Variants in PHF14 observed in about 807,000 individuals in gnomAD.
PHF14 encodes the protein PHD finger protein 14.
A neutral mutation model predicts 117.9 loss-of-function variants in PHF14; 55 were observed. The observed-to-expected ratio is 0.47, with a 90% CI of 0.38 to 0.58. PHF14 has a LOEUF of 0.58. PHF14 is among the 20% of genes least tolerant of loss of function. The pLI is 0.00. For missense variants in PHF14, 978 were observed against 1,122.2 expected, an observed-to-expected ratio of 0.87 and a Z score of 1.84; for synonymous variants, 409 against 368.6, an observed-to-expected ratio of 1.11 and a Z score of -1.26.
chr7:10,980,688 T>G (rs1328387944), intron 2 of PHF14, among the ~76,000 whole-genome samples: 3 of 152,190 alleles, frequency 2.0e-5, no homozygotes, highest in East Asian at 1.9e-4. Context: ...GGAGTTTATT[T>G]GTAGTATTTA....
chr7:11,032,026 A>G (rs550292927), intron 7 of PHF14, among the ~76,000 whole-genome samples: 1 of 152,172 alleles, frequency 6.6e-6, no homozygotes, highest in Non-Finnish European at 1.5e-5. Flanking sequence ...AGGCCAAGCC[A>G]AGGAGGATCT....
At chr7:11,095,436 C>G (rs554163490) in intron 16 of PHF14, among the ~76,000 whole-genome samples, 8 of 152,160 alleles carry the variant, frequency 5.3e-5, no homozygotes, top group Non-Finnish European at 1.2e-4. Flanking sequence ...TATGATGGGT[C>G]TTTATTCTGT....
At chr7:11,128,891 C>T (rs1241860780) in intron 17 of PHF14, among the ~76,000 whole-genome samples, 1 of 151,884 alleles carries the variant, frequency 6.6e-6, no homozygotes, top group East Asian at 1.9e-4. Context: ...GCCCTACAAT[C>T]CTTAGGCCTA....
At chr7:11,103,190 T>C (rs1223116472) in intron 16 of PHF14, 3 of 969,874 alleles carry the variant, frequency 3.1e-6, no homozygotes, top group Non-Finnish European at 2.5e-6. Flanking sequence ...TGTGAAAGCA[T>C]TAATATTATT....
At chr7:11,163,058 TAATA>T (rs1417210658) in intron 17 of PHF14, among the ~76,000 whole-genome samples, 38 of 152,164 alleles carry the variant, frequency 2.5e-4, no homozygotes, top group African/African-American at 9.2e-4. Context: ...TATTTACTAT[TAATA>T]AATAATGAAT....
At chr7:10,980,066 A>G (rs78565859) in intron 2 of PHF14, among the ~76,000 whole-genome samples, 16,902 of 152,150 alleles carry the variant, frequency 0.11, 1,143 homozygotes, top group African/African-American at 0.2. Flanking sequence ...AAAATAATTA[A>G]TTAATTGGCA....
intron 17 of PHF14, among the ~76,000 whole-genome samples, chr7:11,126,424 G>A (rs1787930745): frequency 6.6e-6 from 1 of 152,020 alleles, no homozygotes; most frequent in Non-Finnish European, 1.5e-5. Flanking sequence ...ACCTTTCCTT[G>A]TGACAATGTT....
chr7:11,019,987 T>C (rs745358225), intron 5 of PHF14, among the ~76,000 whole-genome samples: 1 of 152,218 alleles, frequency 6.6e-6, no homozygotes, highest in Non-Finnish European at 1.5e-5. Flanking sequence ...CTCCCAGCTG[T>C]TCTGAAATGA....
chr7:11,083,626 A>G (rs1469443954), intron 16 of PHF14, among the ~76,000 whole-genome samples: 3 of 151,686 alleles, frequency 2.0e-5, no homozygotes, highest in South Asian at 4.2e-4. Flanking sequence ...ACGCCCGGCT[A>G]ACTTCTTTGT....
intron 13 of PHF14, among the ~76,000 whole-genome samples, chr7:11,043,958 C>G (rs1051055234): frequency 3.3e-5 from 5 of 151,844 alleles, no homozygotes; most frequent in African/African-American, 9.7e-5. Flanking sequence ...CTGCAGAGCT[C>G]TGGTTTCCAG....
At chr7:11,068,241 C>T (rs1785489043) in intron 16 of PHF14, among the ~76,000 whole-genome samples, 1 of 151,128 alleles carries the variant, frequency 6.6e-6, no homozygotes, top group South Asian at 2.1e-4. Context: ...GTCCCAGCTA[C>T]TTGGGAGGCT....
At chr7:11,114,773 A>T (rs1463246293) in intron 17 of PHF14, among the ~76,000 whole-genome samples, 1 of 152,116 alleles carries the variant, frequency 6.6e-6, no homozygotes, top group Non-Finnish European at 1.5e-5. Context: ...AAATACACAG[A>T]GACACATACA....
intron 16 of PHF14, among the ~76,000 whole-genome samples, chr7:11,094,877 ACAT>A (rs2128339671): frequency 6.6e-6 from 1 of 152,224 alleles, no homozygotes; most frequent in South Asian, 2.1e-4. Context: ...TTGCCCTCTG[ACAT>A]CAGCTCTCTC....
Position 10,974,950 on chromosome 7 carries a change from A to G in PHF14, c.112+5A>G, listed in dbSNP as rs757862363. ...TTAAAGTTGGAGATGCCTCAGGTAA[A>G]TATTTCCTTCTCTCTTCCCCTTTCC... On this transcript the variant is annotated splice_donor_5th_base_variant and intron_variant, in intron 2 of 17. Transcript: ENST00000634607. The G allele has an allele frequency of 2.2e-6, 3 of 1,336,460 alleles. No individual in the cohort carries two copies. Among genetic ancestry groups the G allele is most frequent in the Non-Finnish European group, 3.2e-6 (3 of 943,600 alleles). The allele number at this position is 1,336,460 out of a possible 1,614,324, so 82.8% of individuals were successfully genotyped here.
intron 16 of PHF14, chr7:11,104,120 T>C (rs1787179860): frequency 2.0e-6 from 2 of 984,936 alleles, no homozygotes; most frequent in Non-Finnish European, 2.4e-6. Flanking sequence ...TATTTTAGGT[T>C]TTTTGAGAAA....
chr7:10,989,596 T>G (rs1230254729), intron 3 of PHF14, among the ~76,000 whole-genome samples: 1 of 152,100 alleles, frequency 6.6e-6, no homozygotes, highest in Non-Finnish European at 1.5e-5. Context: ...CTTCTGAAAT[T>G]TTATCTTTTA....
chr7:11,106,511 A>C, intron 16 of PHF14: 3 of 963,468 alleles, frequency 3.1e-6, no homozygotes, highest in Non-Finnish European at 3.7e-6. Flanking sequence ...ACTAAATGTT[A>C]TTCCGTATTG....
chr7:11,150,930 A>C (rs1055100425), intron 17 of PHF14, among the ~76,000 whole-genome samples: 1 of 152,210 alleles, frequency 6.6e-6, no homozygotes, highest in Non-Finnish European at 1.5e-5. Flanking sequence ...TGAAAGTTTG[A>C]AATGTACAAA....
rs1384919213 is a variant in PHF14 at position 10,974,142 on chromosome 7, G to T, written c.-182G>T. ...GCCAGGGCCAGGCGAGGCCGGGGGG[G>T]CGGGGGGTTAGGGGACCGCGGGGCT... On this transcript the variant is annotated 5_prime_UTR_variant, in exon 1 of 18. Transcript: ENST00000634607. 1.6e-4 allele frequency: 96 copies of T among 603,044 alleles called. No homozygotes were observed. Among genetic ancestry groups the T allele is most frequent in the Non-Finnish European group, 2.7e-4 (89 of 335,106 alleles). The allele number at this position is 603,044 out of a possible 1,614,324, so 37.4% of individuals were successfully genotyped here. A position where few individuals can be genotyped will look rare whatever the true frequency, so the allele number is the denominator to read the frequency against.
Sources: allele counts gnomAD v4.1 joint callset (sites outside exome capture counted in the v4.1 genomes callset), GRCh38; gene constraint gnomAD v4.1.1; transcripts MANE v1.5; gene names NCBI Gene and HGNC (gene_info 2026-07-23, HGNC 2026-07-21).